The following RBM19 variants were observed in gnomAD, a reference collection of about 807,000 sequenced individuals.
The protein encoded by RBM19 is probable RNA-binding protein 19.
In RBM19, 94 loss-of-function variants were observed where a neutral mutation model predicts 116.8. That is an observed-to-expected ratio of 0.80 (90% CI 0.68 to 0.95). RBM19 has a LOEUF of 0.95. Ranked by LOEUF, RBM19 falls within the 40% of genes least tolerant of loss-of-function variation. The probability of loss-of-function intolerance (pLI) is 0.00; values close to 1 mark genes in which losing one functional copy is unlikely to be tolerated. For synonymous variants in RBM19, 475 were observed against 494.1 expected (o/e 0.96, Z 0.51); for missense variants, 1,161 against 1,220.7 (o/e 0.95, Z 0.73).
chr12:113,947,597 T>C (rs1871142619), intron 10 of RBM19, 133 bp from the exon 11 acceptor site: 3 of 939,486 alleles, frequency 3.2e-6, no homozygotes, highest in South Asian at 5.2e-5. Flanking sequence ...CGTGTGTCTA[T>C]CCTAACAGCA....
intron 21 of RBM19, among the ~76,000 whole-genome samples, chr12:113,871,122 G>GACTACTACAGCCTGC (rs1434570857): frequency 6.6e-6 from 1 of 152,194 alleles, no homozygotes; most frequent in Non-Finnish European, 1.5e-5. Flanking sequence ...AAGGCTATGT[G>GACTACTACAGCCTGC]ACTACTACAG....
At chr12:113,849,385 A>G (rs911516217) in intron 22 of RBM19, among the ~76,000 whole-genome samples, 3 of 152,238 alleles carry the variant, frequency 2.0e-5, no homozygotes, top group African/African-American at 7.2e-5. Context: ...GTAGATGGTT[A>G]GGCTGGTCCT....
chr12:113,838,057 A>G (rs552028281), intron 23 of RBM19, among the ~76,000 whole-genome samples: 9 of 152,376 alleles, frequency 5.9e-5, no homozygotes, highest in African/African-American at 1.7e-4. Context: ...ACAGATCAGT[A>G]AAAACAAGGA....
rs1870131599 is a variant in RBM19 at position 113,937,009 on chromosome 12, G to A, written c.2066C>T (p.Thr689Ile). 1 of 1,613,774 alleles carries A rather than the reference G, an allele frequency of 6.2e-7. No individual in the cohort carries two copies. The highest frequency in any genetic ancestry group is 8.5e-7 in the Non-Finnish European group (1 of 1,179,946). Residue 689 changes from threonine to isoleucine, a missense_variant and splice_region_variant, in exon 16 of 24, where the codon ACA becomes ATA. Thr to Ile is a moderately conservative substitution (Grantham distance 89, BLOSUM62 -1). Coordinates refer to ENST00000261741, the MANE Select transcript of RBM19 (RefSeq NM_016196.4). Reference protein sequence around the residue: ...PMEKDPAEPETVPDGETPEDE... With the variant: ...PMEKDPAEPEIVPDGETPEDE... ...CTGGTCTCAGACTCAGCTCTTACCT[G>A]TTTCTGGCTCTGCTGGGTCCTTTTC...
chr12:113,926,310 C>A (rs1036505101), intron 17 of RBM19, among the ~76,000 whole-genome samples: 2 of 152,214 alleles, frequency 1.3e-5, no homozygotes, highest in Non-Finnish European at 2.9e-5. Context: ...TTATGGCCAG[C>A]TTCCTTACCA....
intron 6 of RBM19, among the ~76,000 whole-genome samples, chr12:113,955,899 A>G (rs1429734517): frequency 1.3e-5 from 2 of 152,172 alleles, no homozygotes; most frequent in Non-Finnish European, 2.9e-5. Flanking sequence ...GAGGGGAGTG[A>G]GCCCTGCTGG....
intron 21 of RBM19, among the ~76,000 whole-genome samples, chr12:113,886,762 T>C (rs1169941364): frequency 6.6e-6 from 1 of 152,250 alleles, no homozygotes; most frequent in African/African-American, 2.4e-5. Context: ...TTTCTTTGGA[T>C]GGAGATCCTA....
chr12:113,849,517 C>T (rs970475761), intron 22 of RBM19, among the ~76,000 whole-genome samples: 2 of 152,378 alleles, frequency 1.3e-5, no homozygotes, highest in Non-Finnish European at 1.5e-5. Flanking sequence ...CAGGCAGTGC[C>T]TGACCATCCA....
chr12:113,958,040 G>A lies in RBM19; in HGVS notation c.582C>T (p.Ser194=). ...TCTGCACAGCTGCCTTTGGTTCGAG[G>A]CTTGCCTCTTCTGGAAAAACAGGGA... ...GAGEDLEEEA[S]LEPKAAVQKE... The change falls in exon 6 of 24, where the codon AGC becomes AGT. Residue 194 remains serine, a synonymous_variant. Transcript: ENST00000261741. 1 of 1,609,244 alleles carries A rather than the reference G, an allele frequency of 6.2e-7. No homozygotes were observed. The highest frequency in any genetic ancestry group is 1.1e-5 in the South Asian group (1 of 90,524).
At chr12:113,895,616 A>G (rs1171848394) in intron 21 of RBM19, among the ~76,000 whole-genome samples, 1 of 152,210 alleles carries the variant, frequency 6.6e-6, no homozygotes, top group Non-Finnish European at 1.5e-5. Context: ...TATGTACAAA[A>G]TGCAAAGACA....
At chr12:113,833,831 A>G (rs1790698762) in intron 23 of RBM19, among the ~76,000 whole-genome samples, 1 of 151,728 alleles carries the variant, frequency 6.6e-6, no homozygotes, top group Admixed American at 6.6e-5. Context: ...GCAGCCTCGA[A>G]CTCCTGGGCT....
At chr12:113,930,505 G>A (rs1869509718) in intron 16 of RBM19, among the ~76,000 whole-genome samples, 1 of 152,234 alleles carries the variant, frequency 6.6e-6, no homozygotes, top group Admixed American at 6.5e-5. Context: ...CTTAGCCCCA[G>A]CCCAGGAAGA....
At chr12:113,881,983 A>G (rs1050548163) in intron 21 of RBM19, among the ~76,000 whole-genome samples, 2 of 152,154 alleles carry the variant, frequency 1.3e-5, no homozygotes, top group African/African-American at 4.8e-5. Context: ...GCTGCTGGCC[A>G]CTCGGTACAG....
chr12:113,939,931 G>A (rs1229962661), intron 15 of RBM19, 29 bp downstream of exon 15: 1 of 1,609,476 alleles, frequency 6.2e-7, no homozygotes, highest in Non-Finnish European at 8.5e-7. Flanking sequence ...TCCTTCTCCA[G>A]ATCAATTCTG....
intron 20 of RBM19, among the ~76,000 whole-genome samples, chr12:113,916,512 G>A (rs1882784124): frequency 1.3e-5 from 2 of 152,290 alleles, no homozygotes; most frequent in Admixed American, 1.3e-4. Context: ...TCATGCCCTG[G>A]GTAATCCCTT....
At chr12:113,897,112 C>T (rs1881388670) in intron 21 of RBM19, among the ~76,000 whole-genome samples, 1 of 152,196 alleles carries the variant, frequency 6.6e-6, no homozygotes, top group South Asian at 2.1e-4. Context: ...TCCCAATAGA[C>T]CCGGCAAGTA....
Position 113,923,945 on chromosome 12 carries a change from G to A in RBM19, c.2305+752C>T, listed in dbSNP as rs572870028. 3.9e-5 allele frequency among the ~76,000 whole-genome samples: 6 copies of A among 152,340 alleles called. 1 individual carries two copies. The South Asian group carries it at 1.0e-3, about 26-fold the overall frequency. ...GGAGTAACTCAACAGCAGACATTCT[G>A]GCCACCCAGTACTTTGCATGCAGTA... On this transcript the variant is annotated intron_variant, in intron 18 of 23. Coordinates refer to ENST00000261741, the MANE Select transcript of RBM19 (RefSeq NM_016196.4).
chr12:113,844,809 A>T lies in RBM19; in HGVS notation c.2665-21T>A, dbSNP rs755829377. 2.5e-6 allele frequency: 4 copies of T among 1,598,788 alleles called. No individual in the cohort carries two copies. The South Asian group carries it at 4.5e-5, about 18-fold the overall frequency. On this transcript the variant is annotated intron_variant, in intron 22 of 23. Coordinates refer to ENST00000261741, the MANE Select transcript of RBM19 (RefSeq NM_016196.4). ...GCTCTCTGCAGAGGGACAAGAAACGAAACTGCACATCAGCTGGATCAGTGC... is the reference window on the plus strand; with the variant it reads ...GCTCTCTGCAGAGGGACAAGAAACGTAACTGCACATCAGCTGGATCAGTGC...
At chr12:113,841,991 T>C (rs1460035675) in intron 23 of RBM19, among the ~76,000 whole-genome samples, 1 of 152,232 alleles carries the variant, frequency 6.6e-6, no homozygotes, top group Non-Finnish European at 1.5e-5. Context: ...AGTTCTCTCA[T>C]CTGTGAAATG....
Sources: allele counts gnomAD v4.1 joint callset (sites outside exome capture counted in the v4.1 genomes callset), GRCh38; gene constraint gnomAD v4.1.1; transcripts MANE v1.5; gene names NCBI Gene and HGNC (gene_info 2026-07-23, HGNC 2026-07-21).